The following SLC44A5 variants were observed in gnomAD, a reference collection of about 807,000 sequenced individuals.
The protein encoded by SLC44A5 is choline transporter-like protein 5.
Under a neutral mutation model 101.8 loss-of-function variants are expected in SLC44A5, and 57 were observed. That is an observed-to-expected ratio of 0.56 (90% confidence interval 0.45 to 0.70). The LOEUF (loss-of-function observed/expected upper bound fraction) is 0.70. Among genes scored for constraint, SLC44A5 ranks in the 30% least tolerant of loss-of-function variants. SLC44A5 has a pLI of 0.00. For synonymous variants in SLC44A5, 281 were observed against 290.9 expected (o/e 0.97, Z 0.35); for missense variants, 737 against 853.1 (o/e 0.86, Z 1.70).
chr1:75,635,908 T>C, the SLC44A5 span, among the ~76,000 whole-genome samples: 1 of 152,108 alleles, frequency 6.6e-6, no homozygotes, highest in African/African-American at 2.4e-5. Flanking sequence ...GGATTATTTA[T>C]GTATTTATTT....
chr1:75,204,993 G>A (rs1459010810), intron 23 of SLC44A5: 2 of 152,124 alleles, frequency 1.3e-5, no homozygotes, highest in South Asian at 2.1e-4. Context: ...GACTAATCTA[G>A]AAAGATAAGT....
chr1:75,671,713 A>C, the SLC44A5 span, among the ~76,000 whole-genome samples: 1 of 152,170 alleles, frequency 6.6e-6, no homozygotes, highest in South Asian at 2.1e-4. Context: ...GTGCAGTAGA[A>C]AGAGAGTCAC....
intron 2 of SLC44A5, among the ~76,000 whole-genome samples, chr1:75,442,234 CACAAATTTA>C (rs910118993): frequency 1.3e-5 from 2 of 151,958 alleles, no homozygotes; most frequent in Non-Finnish European, 2.9e-5. Context: ...TAGAAATTTT[CACAAATTTA>C]ACAAATTTAT....
At chr1:75,550,127 C>T (rs1431667353) in intron 1 of SLC44A5, among the ~76,000 whole-genome samples, 4 of 152,062 alleles carry the variant, frequency 2.6e-5, no homozygotes, top group African/African-American at 7.2e-5. Context: ...TTCATAGCAA[C>T]ATTTTTCATA....
the SLC44A5 span, among the ~76,000 whole-genome samples, chr1:75,720,033 G>A: frequency 6.6e-6 from 1 of 152,210 alleles, no homozygotes; most frequent in Admixed American, 6.5e-5. Flanking sequence ...TCTCTCTATT[G>A]TTTCTTGTGT....
intron 6 of SLC44A5, among the ~76,000 whole-genome samples, chr1:75,268,830 A>AT (rs1651221013): frequency 6.6e-6 from 1 of 152,138 alleles, no homozygotes; most frequent in East Asian, 1.9e-4. Context: ...ATTAAATGGT[A>AT]TTTTATAATT....
the SLC44A5 span, among the ~76,000 whole-genome samples, chr1:75,657,775 GTAAACAT>G: frequency 6.6e-6 from 1 of 151,912 alleles, no homozygotes; most frequent in Non-Finnish European, 1.5e-5. Context: ...AACAAATAAA[GTAAACAT>G]TAATAGATCA....
rs1223541464 is a variant in SLC44A5, at chr1:75,403,865, A to C, written c.14-7244T>G. ...AGAATGAGTTTGACAAATTGACAGA[A>C]GTAGGCTTCAGAAGGTGGGTAATAA... is the stretch of plus-strand genomic sequence containing the variant. On this transcript the variant is annotated intron_variant, in intron 2 of 23. Transcript: ENST00000370859. Among the ~76,000 whole-genome samples, 3 of 152,140 alleles carry C rather than the reference A, an allele frequency of 2.0e-5. No individual in the cohort carries two copies. The East Asian group carries it at 5.8e-4, about 29-fold the overall frequency.
At chr1:75,522,920 C>T (rs941994580) in intron 2 of SLC44A5, among the ~76,000 whole-genome samples, 8 of 152,180 alleles carry the variant, frequency 5.3e-5, no homozygotes, top group Admixed American at 5.2e-4. Context: ...GAAAGATACT[C>T]TGTCTCACTT....
At chr1:75,267,695 A>G (rs1034459264) in intron 6 of SLC44A5, among the ~76,000 whole-genome samples, 1 of 151,000 alleles carries the variant, frequency 6.6e-6, no homozygotes, top group Admixed American at 6.6e-5. Flanking sequence ...GACTACAGGC[A>G]CTCCATCATG....
intron 2 of SLC44A5, among the ~76,000 whole-genome samples, chr1:75,421,453 G>A (rs1280766952): frequency 6.6e-6 from 1 of 152,080 alleles, no homozygotes; most frequent in Non-Finnish European, 1.5e-5. Flanking sequence ...ATGAATAAAT[G>A]GCAGCCCAGT....
At chr1:75,527,201 A>G (rs561031556) in intron 2 of SLC44A5, among the ~76,000 whole-genome samples, 27 of 151,652 alleles carry the variant, frequency 1.8e-4, no homozygotes, top group Non-Finnish European at 3.2e-4. Flanking sequence ...GAAGGAAGGA[A>G]GGGAGTGAAG....
chr1:75,338,553 C>T (rs1333315919), intron 4 of SLC44A5, among the ~76,000 whole-genome samples: 1 of 152,116 alleles, frequency 6.6e-6, no homozygotes, highest in Non-Finnish European at 1.5e-5. Context: ...GTAAAAGTAG[C>T]CACTACACTG....
chr1:75,456,581 G>A (rs188168502), intron 2 of SLC44A5, among the ~76,000 whole-genome samples: 81 of 152,270 alleles, frequency 5.3e-4, no homozygotes, highest in African/African-American at 1.9e-3. Flanking sequence ...TTGGCTGATA[G>A]TCTTAATAAT....
At chr1:75,233,306 G>A (rs535732163) in intron 12 of SLC44A5, among the ~76,000 whole-genome samples, 1 of 152,154 alleles carries the variant, frequency 6.6e-6, no homozygotes, top group East Asian at 1.9e-4. Flanking sequence ...TGAATGACAT[G>A]CATTGTATCC....
At chr1:75,226,384 A>G (rs1647195698) in intron 13 of SLC44A5, among the ~76,000 whole-genome samples, 1 of 152,136 alleles carries the variant, frequency 6.6e-6, no homozygotes, top group South Asian at 2.1e-4. Flanking sequence ...CTTTGCTAAA[A>G]TAGCTTCTGA....
chr1:75,639,276 G>A, the SLC44A5 span, among the ~76,000 whole-genome samples: 1 of 152,096 alleles, frequency 6.6e-6, no homozygotes, highest in African/African-American at 2.4e-5. Context: ...AATCCACAAT[G>A]TATGTATACA....
chr1:75,334,446 C>T (rs1202137704), intron 4 of SLC44A5, among the ~76,000 whole-genome samples: 1 of 152,150 alleles, frequency 6.6e-6, no homozygotes, highest in African/African-American at 2.4e-5. Flanking sequence ...AGCCTCAACT[C>T]AGGCAGTTGT....
chr1:75,575,332 T>C (rs751971937), intron 1 of SLC44A5, among the ~76,000 whole-genome samples: 1 of 152,170 alleles, frequency 6.6e-6, no homozygotes, highest in Non-Finnish European at 1.5e-5. Context: ...CAGGGTACAA[T>C]GTAGAAAGGA....
Sources: gnomAD v4.1 joint callset for allele counts (sites outside exome capture counted in the v4.1 genomes callset) on GRCh38, gnomAD v4.1.1 for gene constraint, MANE v1.5 for transcripts, NCBI Gene and HGNC (gene_info 2026-07-23, HGNC 2026-07-21) for gene names.